HCN1: variants seen among roughly 807,000 people sequenced by gnomAD.
HCN1 encodes potassium/sodium hyperpolarization-activated cyclic nucleotide-gated channel 1.
In HCN1, 13 loss-of-function variants were observed where a neutral mutation model predicts 78.9. The observed-to-expected ratio is 0.16, with a 90% confidence interval of 0.11 to 0.26. The LOEUF (loss-of-function observed/expected upper bound fraction) is 0.26. Ranked by LOEUF, HCN1 falls within the 10% of genes least tolerant of loss-of-function variation. HCN1 has a pLI of 1.00. For missense variants in HCN1, 810 were observed against 1,154.3 expected (o/e 0.70, Z 4.32); for synonymous variants, 552 against 455.5 (o/e 1.21, Z -2.70).
intron 2 of HCN1, among the ~76,000 whole-genome samples, chr5:45,511,508 C>T (rs76148395): frequency 2.0e-5 from 3 of 151,986 alleles, no homozygotes; most frequent in African/African-American, 7.2e-5. Context: ...AGAGAATGTA[C>T]CCTTGATATG....
At chr5:45,372,097 ATT>A (rs371356248) in intron 4 of HCN1, among the ~76,000 whole-genome samples, 27 of 56,812 alleles carry the variant, frequency 4.8e-4, no homozygotes, top group East Asian at 2.1e-3. Context: ...TTATATATAT[ATT>A]TTATATATAA....
rs1490912244 is a variant in HCN1, at chr5:45,695,938, C to T, written c.156G>A (p.Glu52=). The T allele has an allele frequency of 2.2e-6, 3 of 1,385,766 alleles. No individual in the cohort carries two copies. The highest frequency in any genetic ancestry group is 2.8e-6 in the Non-Finnish European group (3 of 1,079,078). 85.8% of individuals were successfully genotyped at this position (1,385,766 alleles called of 1,614,324 possible). ...CCTTGAAGCACACGGAGTTGCCGTG[C>T]TCCTTCGCGCCGGCCCCGCCGCCCC... ...PPGGGGAGAK[E]HGNSVCFKVD... is the part of the protein sequence containing the mutation. Residue 52 remains glutamate (E), a synonymous_variant, in exon 1 of 8, where the codon GAG becomes GAA. Coordinates refer to ENST00000303230, the MANE Select transcript of HCN1 (RefSeq NM_021072.4).
chr5:45,285,500 A>C (rs923633301), intron 6 of HCN1, among the ~76,000 whole-genome samples: 4 of 151,940 alleles, frequency 2.6e-5, no homozygotes, highest in African/African-American at 9.7e-5. Flanking sequence ...CGAAGCAATA[A>C]ATCTCATTTG....
intron 5 of HCN1, among the ~76,000 whole-genome samples, chr5:45,320,644 A>G (rs1261310361): frequency 6.6e-6 from 1 of 151,624 alleles, no homozygotes; most frequent in African/African-American, 2.4e-5. Flanking sequence ...GATTCTGAGA[A>G]GCCACCTTAA....
rs367854879 is a variant in HCN1, at chr5:45,612,512, T to A, written c.849+32673A>T. Among the ~76,000 whole-genome samples, 46 of 152,318 alleles carry A rather than the reference T, an allele frequency of 3.0e-4. No homozygotes were observed. The South Asian group carries it at 9.1e-3, about 30-fold the overall frequency. ...TAAAAGGTAACTACATACTTTTTTA[T>A]GCAATCCCAAATATTATGAAGTGAT... On this transcript the variant is annotated intron_variant, in intron 2 of 7. Coordinates refer to ENST00000303230, the MANE Select transcript of HCN1 (RefSeq NM_021072.4).
chr5:45,294,825 T>C (rs1181743718), intron 6 of HCN1, among the ~76,000 whole-genome samples: 2 of 152,044 alleles, frequency 1.3e-5, no homozygotes, highest in African/African-American at 2.4e-5. Flanking sequence ...TATTGGAGAA[T>C]AATCATGCCC....
At chr5:45,580,346 A>T (rs563576556) in intron 2 of HCN1, among the ~76,000 whole-genome samples, 45 of 152,132 alleles carry the variant, frequency 3.0e-4, no homozygotes, top group Non-Finnish European at 5.1e-4. Flanking sequence ...CAAAGTGAGG[A>T]GAATTTAAAT....
At chr5:45,688,546 A>G (rs898593671) in intron 1 of HCN1, among the ~76,000 whole-genome samples, 1 of 152,122 alleles carries the variant, frequency 6.6e-6, no homozygotes, top group African/African-American at 2.4e-5. Flanking sequence ...CTAAGATTAA[A>G]TGTTCTCATG....
intron 5 of HCN1, among the ~76,000 whole-genome samples, chr5:45,336,516 T>C (rs1746459396): frequency 6.6e-6 from 1 of 152,078 alleles, no homozygotes; most frequent in Non-Finnish European, 1.5e-5. Flanking sequence ...ACAACTGTTA[T>C]CTGCCACTGT....
chr5:45,328,257 ATT>A (rs112549933), intron 5 of HCN1, among the ~76,000 whole-genome samples: 1 of 147,420 alleles, frequency 6.8e-6, no homozygotes, highest in African/African-American at 2.5e-5. Context: ...CAAAACTAGC[ATT>A]TTTTTTTTTC....
chr5:45,495,429 G>GTGATT (rs1199570759), intron 2 of HCN1, among the ~76,000 whole-genome samples: 1 of 147,538 alleles, frequency 6.8e-6, no homozygotes, highest in Non-Finnish European at 1.5e-5. Context: ...AAGAATGCTT[G>GTGATT]TGATTTTTGT....
intron 2 of HCN1, among the ~76,000 whole-genome samples, chr5:45,593,726 G>A (rs536772519): frequency 6.6e-6 from 1 of 151,910 alleles, no homozygotes; most frequent in East Asian, 1.9e-4. Context: ...CCAGGCTGGA[G>A]TGCAGTGGCA....
intron 1 of HCN1, chr5:45,695,291 G>A (rs1580054680): frequency 7.5e-6 from 2 of 265,836 alleles, no homozygotes; most frequent in Admixed American, 5.4e-5. Flanking sequence ...ACTTGAGGGA[G>A]CCGCGCGAGG....
At chr5:45,502,565 C>CT (rs1000371356) in intron 2 of HCN1, among the ~76,000 whole-genome samples, 1 of 151,942 alleles carries the variant, frequency 6.6e-6, no homozygotes, top group Non-Finnish European at 1.5e-5. Context: ...TTCATTTTTC[C>CT]TTTTTTTCTT....
intron 2 of HCN1, among the ~76,000 whole-genome samples, chr5:45,571,353 A>C (rs991984495): frequency 1.3e-5 from 2 of 152,144 alleles, no homozygotes; most frequent in Non-Finnish European, 2.9e-5. Context: ...TCTGACTCTT[A>C]AAAAGAGAAT....
At chr5:45,660,080 G>A (rs1745894327) in intron 1 of HCN1, among the ~76,000 whole-genome samples, 2 of 119,870 alleles carry the variant, frequency 1.7e-5, no homozygotes, top group South Asian at 5.5e-4. Context: ...TCAAAGGAAA[G>A]CCCATCAGAC....
In HCN1 at chr5:45,261,807, A is replaced by G; in HGVS notation, c.*114T>C. 7.4e-7 allele frequency: 1 copy of G among 1,345,646 alleles called. No homozygotes were observed. Among genetic ancestry groups the G allele is most frequent in the Non-Finnish European group, 1.1e-6 (1 of 945,912 alleles). 83.4% of individuals were successfully genotyped at this position (1,345,646 alleles called of 1,614,324 possible). On this transcript the variant is annotated 3_prime_UTR_variant, in exon 8 of 8. Transcript: ENST00000303230. ...TTCACGTGTAGGCCACAGCTGTCTA[A>G]AATATCTCTTCATAGTAGGCTAGAG...
At position 45,695,253 on chromosome 5, in the gene HCN1, C is replaced by T. The variant is rs969679773; in HGVS notation, c.425+416G>A. 3 of 210,274 alleles carry T rather than the reference C, an allele frequency of 1.4e-5. No homozygotes were observed. The Admixed American group carries it at 1.7e-4, about 12-fold the overall frequency. 13.0% of individuals were successfully genotyped at this position (210,274 alleles called of 1,614,324 possible). A position where few individuals can be genotyped will look rare whatever the true frequency, so the allele number is the denominator to read the frequency against. On this transcript the variant is annotated intron_variant, in intron 1 of 7. Transcript: ENST00000303230. Reference sequence around the variant, plus strand: ...CCAGTCTTCTTCTGAGCCCCAGAAGCCTCCTTTTCCCTCCTGGTTGAGACC... The same window carrying T: ...CCAGTCTTCTTCTGAGCCCCAGAAGTCTCCTTTTCCCTCCTGGTTGAGACC...
intron 2 of HCN1, among the ~76,000 whole-genome samples, chr5:45,497,257 T>C (rs1467623264): frequency 6.6e-6 from 1 of 152,106 alleles, no homozygotes; most frequent in Non-Finnish European, 1.5e-5. Flanking sequence ...TGGGTATCCT[T>C]GTTGACTTTC....
Sources: allele counts gnomAD v4.1 joint callset (sites outside exome capture counted in the v4.1 genomes callset), GRCh38; gene constraint gnomAD v4.1.1; transcripts MANE v1.5; gene names NCBI Gene and HGNC (gene_info 2026-07-23, HGNC 2026-07-21).